WEE2: variants seen among roughly 807,000 people sequenced by gnomAD.
WEE2 encodes WEE2 oocyte meiosis inhibiting kinase, also known as wee1-like protein kinase 2.
In WEE2, 50 loss-of-function variants were observed where a neutral mutation model predicts 60.1. The observed-to-expected ratio is 0.83, with a 90% CI of 0.66 to 1.05. The LOEUF (loss-of-function observed/expected upper bound fraction) is 1.05. WEE2 is among the 50% of genes least tolerant of loss of function. The pLI is 0.00. For synonymous variants in WEE2, 240 were observed against 241.0 expected (o/e 1.00, Z 0.04); for missense variants, 631 against 684.3 (o/e 0.92, Z 0.87).
chr7:141,727,490 T>C, intron 10 of WEE2, 44 bp downstream of exon 10: 1 of 1,607,468 alleles, frequency 6.2e-7, no homozygotes, highest in East Asian at 2.2e-5. Context: ...ATCTGAGCAC[T>C]ACTCACAATG....
At chr7:141,727,934 C>G (rs1799048482) in intron 10 of WEE2, 1 of 153,816 alleles carries the variant, frequency 6.5e-6, no homozygotes, top group Non-Finnish European at 1.4e-5. Flanking sequence ...GGCTTGTATT[C>G]ATGCATATAT....
chr7:141,721,001 C>T lies in WEE2; in HGVS notation c.825C>T (p.Tyr275=). 1 of 1,614,092 alleles carries T rather than the reference C, an allele frequency of 6.2e-7. No homozygotes were observed. Among genetic ancestry groups the T allele is most frequent in the African/African-American group, 1.3e-5 (1 of 75,050 alleles). ...GGCATCACCCCCATGTGGTACGTTA[C>T]TATTCCTCATGGGCAGAAGATGACC... ...VLGHHPHVVR[Y]YSSWAEDDHM... The change falls in exon 5 of 12, where the codon TAC becomes TAT. Residue 275 remains tyrosine, a synonymous_variant. Coordinates refer to ENST00000397541, the MANE Select transcript of WEE2 (RefSeq NM_001105558.1).
intron 1 of WEE2, among the ~76,000 whole-genome samples, chr7:141,710,316 T>A (rs1194231811): frequency 6.6e-6 from 1 of 152,046 alleles, no homozygotes; most frequent in South Asian, 2.1e-4. Flanking sequence ...AAGAAAGGTA[T>A]AGGAAGGGCA....
rs1428390924 is a variant in WEE2 at position 141,708,819 on chromosome 7, G to A, written c.61G>A (p.Glu21Lys). Reference protein sequence around the residue: ...RQKLNFSYCEETEIEGQKKVE... With the variant: ...RQKLNFSYCEKTEIEGQKKVE... ...GAAATTAAACTTTTCCTATTGTGAGGAGACTGAGATTGAAGGGCAGAAGAA... is the reference window on the plus strand; with the variant it reads ...GAAATTAAACTTTTCCTATTGTGAGAAGACTGAGATTGAAGGGCAGAAGAA... The change falls in exon 1 of 12, where the codon GAG becomes AAG. Residue 21 changes from glutamate (E) to lysine (K), a missense_variant. By Grantham distance (56) the Glu-to-Lys change is moderately conservative. Transcript: ENST00000397541. 4.3e-6 allele frequency: 7 copies of A among 1,614,170 alleles called. No individual in the cohort carries two copies. Among genetic ancestry groups the A allele is most frequent in the Non-Finnish European group, 5.9e-6 (7 of 1,180,038 alleles).
chr7:141,719,728 C>T (rs965031305), intron 4 of WEE2, among the ~76,000 whole-genome samples: 2 of 152,168 alleles, frequency 1.3e-5, no homozygotes, highest in Non-Finnish European at 2.9e-5. Context: ...GGATTACAGG[C>T]GTGAGCCACT....
Position 141,708,831 on chromosome 7 carries a change from G to A in WEE2, c.73G>A (p.Glu25Lys). 2 of 1,614,154 alleles carry A rather than the reference G, an allele frequency of 1.2e-6. No homozygotes were observed. The highest frequency in any genetic ancestry group is 2.2e-5 in the South Asian group (2 of 91,080). Residue 25 changes from glutamate to lysine, a missense_variant, in exon 1 of 12, where the codon GAA becomes AAA. Transcript: ENST00000397541. ...NFSYCEETEIEGQKKVEESRE... is the reference protein window; with the variant it reads ...NFSYCEETEIKGQKKVEESRE... ...TTCCTATTGTGAGGAGACTGAGATT[G>A]AAGGGCAGAAGAAAGTAGAAGAAAG...
Position 141,708,861 on chromosome 7 carries a change from G to C in WEE2, c.103G>C (p.Glu35Gln), listed in dbSNP as rs758144492. The C allele has an allele frequency of 2.5e-6, 4 of 1,614,152 alleles. No homozygotes were observed. The Admixed American group carries it at 6.7e-5, about 27-fold the overall frequency. ...GCAGAAGAAAGTAGAAGAAAGCAGG[G>C]AGGCTTCGAGCCAAACCCCAGAGAA... ...EGQKKVEESR[E>Q]ASSQTPEKGE... The change falls in exon 1 of 12, where the codon GAG becomes CAG. Residue 35 changes from glutamate (E) to glutamine (Q), a missense_variant. Coordinates refer to ENST00000397541, the MANE Select transcript of WEE2 (RefSeq NM_001105558.1).
Position 141,729,804 on chromosome 7 carries a change from C to A in WEE2, c.1678+131C>A. 5.8e-6 allele frequency: 6 copies of A among 1,043,154 alleles called. No individual in the cohort carries two copies. The East Asian group carries it at 1.1e-4, about 19-fold the overall frequency. The allele number at this position is 1,043,154 out of a possible 1,614,324, so 64.6% of individuals were successfully genotyped here. On this transcript the variant is annotated intron_variant, in intron 11 of 11. Coordinates refer to ENST00000397541, the MANE Select transcript of WEE2 (RefSeq NM_001105558.1). ...GAGATCGAAACCATCCTGGCTAACA[C>A]GGTGAAACCCCATCTCTACTAAAAA...
At position 141,730,479 on chromosome 7, in the gene WEE2, C is replaced by T; in HGVS notation, c.*159C>T. On this transcript the variant is annotated 3_prime_UTR_variant, in exon 12 of 12. Transcript: ENST00000397541. Reference sequence around the variant, plus strand: ...CTTACAGAAAATGTGCCTGGATTTCCACAGCGCTTCCCAGGTTATATGATG... The same window carrying T: ...CTTACAGAAAATGTGCCTGGATTTCTACAGCGCTTCCCAGGTTATATGATG... The T allele has an allele frequency of 1.6e-6, 1 of 630,166 alleles. No individual in the cohort carries two copies. The highest frequency in any genetic ancestry group is 2.8e-6 in the Non-Finnish European group (1 of 359,620). The allele number at this position is 630,166 out of a possible 1,614,324, so 39.0% of individuals were successfully genotyped here. A position where few individuals can be genotyped will look rare whatever the true frequency, so the allele number is the denominator to read the frequency against.
In WEE2 at chr7:141,723,251, C is replaced by G. The variant is rs769118966; in HGVS notation, c.998C>G (p.Ser333Cys). Residue 333 changes from serine to cysteine, a missense_variant, in exon 6 of 12, where the codon TCT (serine) becomes TGT (cysteine). Transcript: ENST00000397541. ...CTTGGCCTTAATTACATCCACAACT[C>G]TAGCATGGTACACCTGGACATCAAA... Reference protein sequence around the residue: ...ISLGLNYIHNSSMVHLDIKPS... With the variant: ...ISLGLNYIHNCSMVHLDIKPS... 1.2e-6 allele frequency: 2 copies of G among 1,614,074 alleles called. No homozygotes were observed. The highest frequency in any genetic ancestry group is 4.5e-5 in the East Asian group (2 of 44,870).
chr7:141,717,316 AC>A (rs1217523088), intron 3 of WEE2, among the ~76,000 whole-genome samples: 1 of 152,250 alleles, frequency 6.6e-6, no homozygotes, highest in Non-Finnish European at 1.5e-5. Flanking sequence ...AAATGTTAGC[AC>A]TTGGCTATTG....
intron 4 of WEE2, among the ~76,000 whole-genome samples, chr7:141,720,419 T>C (rs906227025): frequency 2.0e-5 from 3 of 152,206 alleles, no homozygotes; most frequent in African/African-American, 7.2e-5. Context: ...CCCAAGGCTA[T>C]TCCTGTGAGT....
chr7:141,725,481 C>T (rs563589763), intron 9 of WEE2, among the ~76,000 whole-genome samples: 35 of 151,938 alleles, frequency 2.3e-4, no homozygotes, highest in Non-Finnish European at 2.9e-4. Context: ...AAAAATTAGC[C>T]GGGCATGGTG....
chr7:141,725,937 G>T (rs1307072890), intron 9 of WEE2, among the ~76,000 whole-genome samples: 1 of 152,114 alleles, frequency 6.6e-6, no homozygotes, highest in African/African-American at 2.4e-5. Flanking sequence ...AACAGTGATA[G>T]TACTAAAAGA....
chr7:141,708,651 G>A lies in WEE2; in HGVS notation c.-108G>A, dbSNP rs564677092. ...TTGGTAGAGGGAAATTCAGGCTACC[G>A]TCGCGAAACCTGCAGGTTAAGTTAT... On this transcript the variant is annotated 5_prime_UTR_variant, in exon 1 of 12. Transcript: ENST00000397541. 8.0e-5 allele frequency: 74 copies of A among 920,178 alleles called. No homozygotes were observed. The highest frequency in any genetic ancestry group is 3.2e-4 in the Admixed American group (14 of 43,098). The allele number at this position is 920,178 out of a possible 1,614,324, so 57.0% of individuals were successfully genotyped here. A position where few individuals can be genotyped will look rare whatever the true frequency, so the allele number is the denominator to read the frequency against.
intron 2 of WEE2, 40 bp from the exon 3 acceptor site, chr7:141,716,182 A>G (rs1798791459): frequency 6.4e-7 from 1 of 1,551,642 alleles, no homozygotes; most frequent in Non-Finnish European, 8.8e-7. Context: ...CTCAATAAAT[A>G]TTAATTATAT....
intron 5 of WEE2, among the ~76,000 whole-genome samples, chr7:141,721,350 T>C (rs1798906206): frequency 6.6e-6 from 1 of 152,192 alleles, no homozygotes; most frequent in Admixed American, 6.5e-5. Context: ...CTCCCTCCCC[T>C]TAAGCAACAT....
intron 1 of WEE2, among the ~76,000 whole-genome samples, chr7:141,713,047 A>T (rs751176667): frequency 6.6e-6 from 1 of 152,142 alleles, no homozygotes; most frequent in Non-Finnish European, 1.5e-5. Context: ...GATAGGAGAA[A>T]CACTTGACTC....
At position 141,723,256 on chromosome 7, in the gene WEE2, A is replaced by G. The variant is rs375881242; in HGVS notation, c.1003A>G (p.Met335Val). 18 of 1,614,040 alleles carry G rather than the reference A, an allele frequency of 1.1e-5. No individual in the cohort carries two copies. The highest frequency in any genetic ancestry group is 1.4e-5 in the Non-Finnish European group (17 of 1,180,000). ...CCTTAATTACATCCACAACTCTAGC[A>G]TGGTACACCTGGACATCAAACCTAG... ...LGLNYIHNSS[M>V]VHLDIKPSNI... The change falls in exon 6 of 12, where the codon ATG becomes GTG. Residue 335 changes from methionine to valine, a missense_variant. Met to Val is a conservative substitution (Grantham distance 21, BLOSUM62 1). Coordinates refer to ENST00000397541, the MANE Select transcript of WEE2 (RefSeq NM_001105558.1).
Sources: allele counts gnomAD v4.1 joint callset (sites outside exome capture counted in the v4.1 genomes callset), GRCh38; gene constraint gnomAD v4.1.1; transcripts MANE v1.5; gene names NCBI Gene and HGNC (gene_info 2026-07-23, HGNC 2026-07-21).